The following SOX6 variants were observed in gnomAD, a reference collection of about 807,000 sequenced individuals.
SOX6 encodes transcription factor SOX-6.
In SOX6, 11 loss-of-function variants were observed where a neutral mutation model predicts 97.8. That is an observed-to-expected ratio of 0.11 (90% confidence interval 0.07 to 0.19). The LOEUF is 0.19. Among genes scored for constraint, SOX6 ranks in the 10% least tolerant of loss-of-function variants. SOX6 has a pLI of 1.00. For missense variants in SOX6, 810 were observed against 1,039.5 expected (o/e 0.78, Z 3.04); for synonymous variants, 360 against 371.4 (o/e 0.97, Z 0.35).
chr11:16,697,608 T>G (rs1041127495), intron 3 of SOX6, among the ~76,000 whole-genome samples: 2 of 152,138 alleles, frequency 1.3e-5, no homozygotes, highest in Non-Finnish European at 2.9e-5. Context: ...AGACTCTATC[T>G]CAAAAAAAGA....
chr11:16,045,718 C>T (rs1336058484), intron 12 of SOX6, among the ~76,000 whole-genome samples: 1 of 152,088 alleles, frequency 6.6e-6, no homozygotes, highest in Admixed American at 6.6e-5. Context: ...CCTAGAATGC[C>T]CCTGCTCCTG....
intron 4 of SOX6, among the ~76,000 whole-genome samples, chr11:16,507,794 G>C: frequency 6.6e-6 from 1 of 152,070 alleles, no homozygotes. Context: ...AAAACTACTA[G>C]GAGAAATACT....
chr11:16,177,622 T>TCTCTCTCC (rs1491498474), intron 6 of SOX6, among the ~76,000 whole-genome samples: 9 of 636 alleles, frequency 0.014, no homozygotes, highest in African/African-American at 0.025. Flanking sequence ...AATAAGATGA[T>TCTCTCTCC]CTCTCTCTCT....
chr11:16,055,728 C>T (rs1847797803), intron 10 of SOX6, 24 bp downstream of exon 10: 2 of 1,613,306 alleles, frequency 1.2e-6, no homozygotes, highest in East Asian at 2.2e-5. Flanking sequence ...AAACTGTTTC[C>T]ACAATGCTGC....
At chr11:16,215,372 T>C (rs992954218) in intron 4 of SOX6, among the ~76,000 whole-genome samples, 1 of 152,214 alleles carries the variant, frequency 6.6e-6, no homozygotes, top group African/African-American at 2.4e-5. Context: ...AAAGTTTTAA[T>C]TTAATAATTA....
intron 4 of SOX6, among the ~76,000 whole-genome samples, chr11:16,522,788 C>T (rs1861089527): frequency 6.6e-6 from 1 of 152,150 alleles, no homozygotes; most frequent in South Asian, 2.1e-4. Context: ...GAAGGAAGAT[C>T]TACCAAGCAA....
At chr11:16,519,204 A>AT (rs373269690) in intron 4 of SOX6, among the ~76,000 whole-genome samples, 22 of 150,166 alleles carry the variant, frequency 1.5e-4, no homozygotes, top group Non-Finnish European at 2.1e-4. Flanking sequence ...TAAAAATCCA[A>AT]TTTTTTTTTT....
intron 4 of SOX6, among the ~76,000 whole-genome samples, chr11:16,550,322 TG>T (rs1301309431): frequency 6.6e-6 from 1 of 151,692 alleles, no homozygotes; most frequent in African/African-American, 2.4e-5. Flanking sequence ...GTCTTGGGGT[TG>T]GGGGAAGGGG....
chr11:16,203,200 TTTC>T (rs1287627398), intron 4 of SOX6, among the ~76,000 whole-genome samples: 1 of 152,068 alleles, frequency 6.6e-6, no homozygotes, highest in African/African-American at 2.4e-5. Context: ...GCCCTTCAGG[TTTC>T]TTTTCTTTGG....
intron 4 of SOX6, among the ~76,000 whole-genome samples, chr11:16,195,421 C>T (rs1028907747): frequency 5.3e-5 from 8 of 152,070 alleles, no homozygotes; most frequent in Admixed American, 2.6e-4. Context: ...TTCTGAGGTA[C>T]CAAGAATCCT....
chr11:16,493,596 ACTT>A (rs1860544594), intron 4 of SOX6, among the ~76,000 whole-genome samples: 1 of 152,202 alleles, frequency 6.6e-6, no homozygotes, highest in South Asian at 2.1e-4. Flanking sequence ...TTATGATACA[ACTT>A]CTTCTTTTGT....
At chr11:16,205,773 T>C (rs1195775663) in intron 4 of SOX6, among the ~76,000 whole-genome samples, 3 of 152,168 alleles carry the variant, frequency 2.0e-5, no homozygotes, top group Non-Finnish European at 4.4e-5. Flanking sequence ...TCATTAACTA[T>C]GAAGTTACAG....
At chr11:16,372,535 ACTTT>A (rs1172503181) in intron 1 of SOX6, among the ~76,000 whole-genome samples, 11 of 152,016 alleles carry the variant, frequency 7.2e-5, no homozygotes, top group Non-Finnish European at 1.3e-4. Flanking sequence ...AAAGGGTGGG[ACTTT>A]GTTGGAAAGG....
chr11:16,495,927 C>A (rs1374641464), intron 4 of SOX6, among the ~76,000 whole-genome samples: 4 of 152,218 alleles, frequency 2.6e-5, no homozygotes, highest in Non-Finnish European at 5.9e-5. Context: ...ACAGCCTCCA[C>A]TAACAACCAC....
At chr11:16,724,688 TTAA>T (rs1384385913) in intron 2 of SOX6, among the ~76,000 whole-genome samples, 1 of 152,184 alleles carries the variant, frequency 6.6e-6, no homozygotes, top group Non-Finnish European at 1.5e-5. Context: ...TTGCTGCAAA[TTAA>T]TAAGATTTTA....
intron 1 of SOX6, among the ~76,000 whole-genome samples, chr11:16,441,731 A>G (rs978516490): frequency 1.3e-5 from 2 of 152,186 alleles, no homozygotes; most frequent in Non-Finnish European, 2.9e-5. Context: ...AGAGGTCATT[A>G]ACAAACTTAC....
At chr11:16,282,209 C>T (rs994659383) in intron 3 of SOX6, among the ~76,000 whole-genome samples, 1 of 150,556 alleles carries the variant, frequency 6.6e-6, no homozygotes, top group Non-Finnish European at 1.5e-5. Flanking sequence ...ATATCTGTTC[C>T]CTTCCATTGA....
chr11:16,657,937 G>C (rs1847736163), intron 3 of SOX6, among the ~76,000 whole-genome samples: 1 of 152,070 alleles, frequency 6.6e-6, no homozygotes, highest in African/African-American at 2.4e-5. Flanking sequence ...CACATAATTG[G>C]AGTTTATTCA....
At chr11:16,038,271 G>A (rs563811447) in intron 12 of SOX6, among the ~76,000 whole-genome samples, 3 of 152,158 alleles carry the variant, frequency 2.0e-5, no homozygotes, top group South Asian at 4.1e-4. Flanking sequence ...GAGTATTGAC[G>A]GATGATTGTA....
Sources: allele counts gnomAD v4.1 joint callset (sites outside exome capture counted in the v4.1 genomes callset), GRCh38; gene constraint gnomAD v4.1.1; transcripts MANE v1.5; gene names NCBI Gene and HGNC (gene_info 2026-07-23, HGNC 2026-07-21).